Variants in NRG3 observed in about 807,000 individuals in gnomAD.
The protein encoded by NRG3 is neuregulin 3, also known as pro-neuregulin-3, membrane-bound isoform.
In NRG3, 31 loss-of-function variants were observed where a neutral mutation model predicts 66.9. That is an observed-to-expected ratio of 0.46 (90% confidence interval 0.35 to 0.63). The LOEUF (loss-of-function observed/expected upper bound fraction) is 0.63. Ranked by LOEUF, NRG3 falls within the 20% of genes least tolerant of loss-of-function variation. The pLI, the probability that NRG3 is intolerant of heterozygous loss-of-function variation, is 0.00. For synonymous variants in NRG3, 393 were observed against 359.4 expected (o/e 1.09, Z -1.06); for missense variants, 910 against 878.9 (o/e 1.04, Z -0.45).
At chr10:82,584,366 A>G (rs1414794023) in intron 2 of NRG3, among the ~76,000 whole-genome samples, 8 of 152,178 alleles carry the variant, frequency 5.3e-5, no homozygotes, top group Admixed American at 5.2e-4. Flanking sequence ...GATTACAGGC[A>G]TGAGCCACTG....
chr10:82,101,402 T>C (rs570562895), intron 1 of NRG3, among the ~76,000 whole-genome samples: 2 of 152,006 alleles, frequency 1.3e-5, no homozygotes, highest in East Asian at 3.9e-4. Context: ...TGCTCCTCAT[T>C]TTCTAGTTTC....
intron 2 of NRG3, among the ~76,000 whole-genome samples, chr10:82,455,482 A>T (rs757589797): frequency 6.6e-6 from 1 of 152,202 alleles, no homozygotes; most frequent in Admixed American, 6.5e-5. Flanking sequence ...TGTACAGGGC[A>T]CTTACATAGA....
At chr10:82,642,654 G>A (rs1276571404) in intron 2 of NRG3, among the ~76,000 whole-genome samples, 1 of 151,150 alleles carries the variant, frequency 6.6e-6, no homozygotes, top group Non-Finnish European at 1.5e-5. Context: ...ACATACTGAA[G>A]AGAAAGAGAT....
In NRG3 at chr10:82,615,306, C is replaced by T. The variant is rs59255128; in HGVS notation, c.954-123271C>T. On this transcript the variant is annotated intron_variant, in intron 2 of 8. Coordinates refer to ENST00000372141, the MANE Select transcript of NRG3 (RefSeq NM_001010848.4). ...GAAATAAAAGAAGAGGTCTGGCTGC[C>T]GAGCCATGTACATATCTAGTATTCC... Among the ~76,000 whole-genome samples, 713 of 151,268 alleles carry T rather than the reference C, an allele frequency of 4.7e-3. 10 individuals carry two copies. The highest frequency in any genetic ancestry group is 0.017 in the African/African-American group (681 of 41,200).
chr10:82,520,435 C>T (rs1322452827), intron 2 of NRG3, among the ~76,000 whole-genome samples: 1 of 151,770 alleles, frequency 6.6e-6, no homozygotes, highest in African/African-American at 2.4e-5. Context: ...CACACAAAAC[C>T]CTCAGTAATC....
chr10:81,908,009 C>T (rs183320791), intron 1 of NRG3, among the ~76,000 whole-genome samples: 14 of 152,186 alleles, frequency 9.2e-5, no homozygotes, highest in Admixed American at 9.2e-4. Context: ...AAGACAAAGG[C>T]CCTCTTTAAT....
At chr10:81,906,477 A>C (rs1844615876) in intron 1 of NRG3, among the ~76,000 whole-genome samples, 1 of 152,172 alleles carries the variant, frequency 6.6e-6, no homozygotes, top group African/African-American at 2.4e-5. Context: ...AAAGCCAAGA[A>C]ACTATCTGCA....
chr10:82,470,848 C>A (rs147345731), intron 2 of NRG3, among the ~76,000 whole-genome samples: 87 of 152,298 alleles, frequency 5.7e-4, no homozygotes, highest in Non-Finnish European at 1.1e-3. Flanking sequence ...CCAACCCTGC[C>A]TCCTCAAGCT....
chr10:82,525,154 A>G (rs891786276), intron 2 of NRG3, among the ~76,000 whole-genome samples: 6 of 151,910 alleles, frequency 3.9e-5, no homozygotes, highest in Non-Finnish European at 7.4e-5. Flanking sequence ...AAAGCATAAC[A>G]AATCTAAAAA....
intron 2 of NRG3, among the ~76,000 whole-genome samples, chr10:82,554,093 G>A (rs911076212): frequency 6.6e-6 from 1 of 152,102 alleles, no homozygotes; most frequent in Non-Finnish European, 1.5e-5. Flanking sequence ...AAAATGCTAT[G>A]CTTCCCAAAA....
chr10:82,483,081 G>A (rs1842414347), intron 2 of NRG3, among the ~76,000 whole-genome samples: 1 of 152,136 alleles, frequency 6.6e-6, no homozygotes, highest in Non-Finnish European at 1.5e-5. Flanking sequence ...GGAAAGGCAG[G>A]GCAGATGGGC....
chr10:82,704,774 G>A (rs184463315), intron 2 of NRG3, among the ~76,000 whole-genome samples: 77 of 152,198 alleles, frequency 5.1e-4, no homozygotes, highest in African/African-American at 1.8e-3. Context: ...TATTCTGAAT[G>A]CTATTTGCAG....
chr10:82,277,212 T>A (rs2078897958), intron 1 of NRG3, among the ~76,000 whole-genome samples: 1 of 152,082 alleles, frequency 6.6e-6, no homozygotes, highest in South Asian at 2.1e-4. Flanking sequence ...TAAGTACGTT[T>A]TGGATCATAA....
At chr10:82,512,261 G>A (rs1036238682) in intron 2 of NRG3, among the ~76,000 whole-genome samples, 15 of 151,124 alleles carry the variant, frequency 9.9e-5, no homozygotes, top group Non-Finnish European at 1.8e-4. Flanking sequence ...TTCCATACAC[G>A]TATAATTTAT....
intron 1 of NRG3, among the ~76,000 whole-genome samples, chr10:82,170,653 GGTATAT>G (rs1564628787): frequency 2.0e-5 from 1 of 49,366 alleles, no homozygotes; most frequent in African/African-American, 6.8e-5. Flanking sequence ...TAAAACTTGT[GGTATAT>G]ATATATATAT....
At chr10:82,400,481 A>G (rs1188413601) in intron 2 of NRG3, among the ~76,000 whole-genome samples, 1 of 152,174 alleles carries the variant, frequency 6.6e-6, no homozygotes, top group Non-Finnish European at 1.5e-5. Flanking sequence ...AACAAGCTTC[A>G]GATGACACAC....
At chr10:82,213,002 C>A (rs759605367) in intron 1 of NRG3, among the ~76,000 whole-genome samples, 2 of 152,108 alleles carry the variant, frequency 1.3e-5, no homozygotes, top group African/African-American at 4.8e-5. Context: ...ATTGCCCAGG[C>A]CCTACTTTCG....
chr10:81,894,310 C>T (rs1042803443), intron 1 of NRG3, among the ~76,000 whole-genome samples: 2 of 152,082 alleles, frequency 1.3e-5, no homozygotes, highest in Admixed American at 6.5e-5. Context: ...CACTGCACTC[C>T]AGCCTGGACT....
intron 1 of NRG3, among the ~76,000 whole-genome samples, chr10:81,907,518 G>A (rs1007839111): frequency 5.9e-5 from 9 of 152,044 alleles, no homozygotes; most frequent in African/African-American, 1.9e-4. Flanking sequence ...TCATATAATC[G>A]TTTTTAATGA....
Sources: allele counts gnomAD v4.1 joint callset (sites outside exome capture counted in the v4.1 genomes callset), GRCh38; gene constraint gnomAD v4.1.1; transcripts MANE v1.5; gene names NCBI Gene and HGNC (gene_info 2026-07-23, HGNC 2026-07-21).